NRXN1: variants seen among roughly 807,000 people sequenced by gnomAD.
NRXN1 encodes neurexin 1.
In NRXN1, 39 loss-of-function variants were observed where a neutral mutation model predicts 150.9. The observed-to-expected ratio is 0.26, with a 90% CI of 0.20 to 0.34. NRXN1 has a LOEUF of 0.34. NRXN1 is among the 10% of genes least tolerant of loss of function. The probability of loss-of-function intolerance (pLI) is 1.00; values close to 1 mark genes in which losing one functional copy is unlikely to be tolerated. For synonymous variants in NRXN1, 924 were observed against 757.0 expected, an observed-to-expected ratio of 1.22 and a Z score of -3.62; for missense variants, 1,815 against 1,949.9, an observed-to-expected ratio of 0.93 and a Z score of 1.30.
At chr2:50,500,305 G>A (rs1408704803) in intron 13 of NRXN1, among the ~76,000 whole-genome samples, 1 of 151,828 alleles carries the variant, frequency 6.6e-6, no homozygotes, top group Non-Finnish European at 1.5e-5. Context: ...TAATAAAAAG[G>A]TAGTACAACA....
At chr2:50,318,163 G>C (rs1288493500) in intron 17 of NRXN1, among the ~76,000 whole-genome samples, 1 of 151,980 alleles carries the variant, frequency 6.6e-6, no homozygotes, top group Non-Finnish European at 1.5e-5. Flanking sequence ...AATGTGAACA[G>C]ATATTTCACA....
At chr2:50,996,257 T>C (rs1157912845) in intron 2 of NRXN1, among the ~76,000 whole-genome samples, 2 of 152,020 alleles carry the variant, frequency 1.3e-5, no homozygotes, top group African/African-American at 4.8e-5. Context: ...GCCACAAAGG[T>C]GTACGTATCA....
intron 18 of NRXN1, among the ~76,000 whole-genome samples, chr2:50,222,555 T>C (rs1052266159): frequency 6.6e-6 from 1 of 151,976 alleles, no homozygotes; most frequent in African/African-American, 2.4e-5. Flanking sequence ...CTTTTACACA[T>C]GTGAAACGAT....
intron 17 of NRXN1, among the ~76,000 whole-genome samples, chr2:50,315,831 A>G (rs1368978761): frequency 6.6e-6 from 1 of 152,144 alleles, no homozygotes; most frequent in African/African-American, 2.4e-5. Context: ...TCAATTGTGG[A>G]AGCACAAGAA....
chr2:50,986,631 A>T (rs1470036208), intron 2 of NRXN1, among the ~76,000 whole-genome samples: 2 of 151,696 alleles, frequency 1.3e-5, no homozygotes, highest in Non-Finnish European at 1.5e-5. Flanking sequence ...CCACTCATAT[A>T]TCGATTTTGC....
intron 8 of NRXN1, among the ~76,000 whole-genome samples, chr2:50,557,457 A>T (rs1573537835): frequency 6.6e-6 from 1 of 152,144 alleles, no homozygotes. Flanking sequence ...TATCTTTCAT[A>T]CTTGTGGCTA....
intron 12 of NRXN1, among the ~76,000 whole-genome samples, chr2:50,512,209 T>A (rs942885772): frequency 1.3e-5 from 2 of 152,168 alleles, no homozygotes; most frequent in African/African-American, 4.8e-5. Flanking sequence ...GCTTTTTATT[T>A]TTATTATTAC....
chr2:50,885,846 C>CACACACACACAT (rs1680155279), intron 5 of NRXN1, among the ~76,000 whole-genome samples: 1 of 151,044 alleles, frequency 6.6e-6, no homozygotes, highest in Non-Finnish European at 1.5e-5. Context: ...CACACACACA[C>CACACACACACAT]ACACACGTCT....
At chr2:50,485,862 CA>C (rs911836786) in intron 15 of NRXN1, among the ~76,000 whole-genome samples, 1 of 152,216 alleles carries the variant, frequency 6.6e-6, no homozygotes, top group Non-Finnish European at 1.5e-5. Context: ...TGTGCCTTGT[CA>C]AAAAGCTGTC....
At chr2:50,957,682 T>A (rs890487923) in intron 2 of NRXN1, among the ~76,000 whole-genome samples, 1 of 152,192 alleles carries the variant, frequency 6.6e-6, no homozygotes, top group Non-Finnish European at 1.5e-5. Context: ...ACTAAAGGAT[T>A]CTTATTCCTT....
chr2:49,976,654 G>A (rs761912601), intron 21 of NRXN1, among the ~76,000 whole-genome samples: 2 of 152,114 alleles, frequency 1.3e-5, no homozygotes, highest in African/African-American at 2.4e-5. Flanking sequence ...GGGCAAGAAG[G>A]GAACTGTAAA....
chr2:49,953,265 C>G (rs1674304603), intron 21 of NRXN1, among the ~76,000 whole-genome samples: 1 of 152,074 alleles, frequency 6.6e-6, no homozygotes, highest in African/African-American at 2.4e-5. Flanking sequence ...ATATGCAAGA[C>G]TCAGGACTGC....
chr2:50,639,783 T>G (rs897965591), intron 5 of NRXN1, among the ~76,000 whole-genome samples: 2 of 152,138 alleles, frequency 1.3e-5, no homozygotes, highest in African/African-American at 4.8e-5. Flanking sequence ...TCATCCCAAC[T>G]ACCTCACCAT....
At chr2:50,267,635 C>T (rs758463287) in intron 17 of NRXN1, among the ~76,000 whole-genome samples, 6 of 152,032 alleles carry the variant, frequency 3.9e-5, no homozygotes, top group Admixed American at 6.6e-5. Flanking sequence ...TTTATAACAA[C>T]TAATCAAGAA....
chr2:50,448,919 G>C (rs2086711838), intron 17 of NRXN1, among the ~76,000 whole-genome samples: 1 of 152,058 alleles, frequency 6.6e-6, no homozygotes, highest in Non-Finnish European at 1.5e-5. Context: ...TTAAACCAAA[G>C]AGACCTTCAG....
At chr2:50,483,463 A>T (rs986074331) in intron 15 of NRXN1, among the ~76,000 whole-genome samples, 1 of 152,088 alleles carries the variant, frequency 6.6e-6, no homozygotes, top group African/African-American at 2.4e-5. Flanking sequence ...ACTTGCCCCA[A>T]GTTCTTTCTT....
chr2:50,567,491 G>A (rs1573579369), intron 8 of NRXN1, among the ~76,000 whole-genome samples: 1 of 151,980 alleles, frequency 6.6e-6, no homozygotes, highest in Non-Finnish European at 1.5e-5. Context: ...CTCATATCAC[G>A]ACAAATATTT....
chr2:50,045,364 A>T (rs1691644915), intron 21 of NRXN1, among the ~76,000 whole-genome samples: 1 of 152,160 alleles, frequency 6.6e-6, no homozygotes, highest in Non-Finnish European at 1.5e-5. Context: ...TTGTTTTGAG[A>T]CAGAGTGTCA....
In NRXN1 at chr2:50,793,198, G is replaced by T. The variant is rs182254294; in HGVS notation, c.832+128671C>A. Reference sequence around the variant, plus strand: ...AAGCATTGTGTAAAATACAAGAAAAGTAAATTTCTTAAGAGTAATGTTAGA... The same window carrying T: ...AAGCATTGTGTAAAATACAAGAAAATTAAATTTCTTAAGAGTAATGTTAGA... On this transcript the variant is annotated intron_variant, in intron 5 of 22. Coordinates refer to ENST00000401669, the MANE Select transcript of NRXN1 (RefSeq NM_001330078.2). 1.0e-3 allele frequency among the ~76,000 whole-genome samples: 157 copies of T among 152,214 alleles called. 1 individual carries two copies. The highest frequency in any genetic ancestry group is 8.8e-5 in the Non-Finnish European group (6 of 67,968).
Sources: gnomAD v4.1 joint callset for allele counts (sites outside exome capture counted in the v4.1 genomes callset) on GRCh38, gnomAD v4.1.1 for gene constraint, MANE v1.5 for transcripts, NCBI Gene and HGNC (gene_info 2026-07-23, HGNC 2026-07-21) for gene names.